The following VRK2 variants were observed in gnomAD, a reference collection of about 807,000 sequenced individuals.
The protein encoded by VRK2 is VRK serine/threonine kinase 2, also known as serine/threonine-protein kinase VRK2.
VRK2 carries 60 observed loss-of-function variants against 57.6 expected under a neutral mutation model. The ratio of observed to expected loss-of-function variants is 1.04; its 90% CI spans 0.85 to 1.29. VRK2 has a LOEUF of 1.29. VRK2 is among the 50% of genes most tolerant of loss of function. The pLI is 0.00. For synonymous variants in VRK2, 231 were observed against 199.2 expected (o/e 1.16, Z -1.35); for missense variants, 705 against 588.1 (o/e 1.20, Z -2.06).
chr2:58,144,221 A>G (rs1681775788), intron 11 of VRK2, among the ~76,000 whole-genome samples: 2 of 151,950 alleles, frequency 1.3e-5, no homozygotes, highest in African/African-American at 2.4e-5. Flanking sequence ...AGAGCATAGA[A>G]CAGTATTTGT....
intron 1 of VRK2, among the ~76,000 whole-genome samples, chr2:57,947,102 T>C (rs1366015640): frequency 6.6e-6 from 1 of 152,186 alleles, no homozygotes; most frequent in Non-Finnish European, 1.5e-5. Context: ...TAACGTGTAT[T>C]AGCAGCTTTC....
intron 12 of VRK2, chr2:58,154,709 T>C (rs1683531895): frequency 1.4e-6 from 1 of 716,610 alleles, no homozygotes; most frequent in Non-Finnish European, 2.6e-6. Context: ...CTATTATTTC[T>C]TTCCTTCATC....
At chr2:58,007,719 T>A (rs1012193411) in intron 1 of VRK2, among the ~76,000 whole-genome samples, 1 of 152,150 alleles carries the variant, frequency 6.6e-6, no homozygotes, top group Non-Finnish European at 1.5e-5. Flanking sequence ...TACACAGATT[T>A]TCTACTGTGC....
intron 1 of VRK2, among the ~76,000 whole-genome samples, chr2:58,022,270 A>C (rs1215275891): frequency 1.3e-5 from 2 of 152,196 alleles, no homozygotes; most frequent in African/African-American, 4.8e-5. Context: ...CTTGATACTA[A>C]AGAAAGTAAT....
chr2:58,039,161 A>G (rs1312328756), intron 3 of VRK2, among the ~76,000 whole-genome samples: 1 of 152,172 alleles, frequency 6.6e-6, no homozygotes, highest in African/African-American at 2.4e-5. Context: ...TATACAACCT[A>G]CATCATCCTG....
intron 7 of VRK2, among the ~76,000 whole-genome samples, chr2:58,106,133 T>G (rs1333177489): frequency 6.6e-6 from 1 of 152,016 alleles, no homozygotes; most frequent in Non-Finnish European, 1.5e-5. Context: ...ACACAGGTTG[T>G]GTGTCTTGAT....
At chr2:57,939,916 T>C (rs963460585) in intron 1 of VRK2, among the ~76,000 whole-genome samples, 4 of 152,182 alleles carry the variant, frequency 2.6e-5, no homozygotes, top group Admixed American at 2.0e-4. Context: ...GTTTCATTAA[T>C]TAGTAAAGAT....
At chr2:57,943,291 A>C in intron 1 of VRK2, among the ~76,000 whole-genome samples, 1 of 152,234 alleles carries the variant, frequency 6.6e-6, no homozygotes, top group Non-Finnish European at 1.5e-5. Context: ...AAAAGTATCC[A>C]ATTGAACTTC....
intron 7 of VRK2, among the ~76,000 whole-genome samples, chr2:58,121,094 T>A (rs909000803): frequency 1.3e-5 from 2 of 152,200 alleles, no homozygotes; most frequent in Non-Finnish European, 2.9e-5. Context: ...CCTGACTTCA[T>A]TTTACTACAC....
In VRK2 at chr2:58,146,391, G is replaced by A; in HGVS notation, c.1099G>A (p.Glu367Lys). Residue 367 changes from glutamate (E) to lysine (K), a missense_variant, in exon 12 of 13, where the codon GAG (glutamate) becomes AAG (lysine). Glu to Lys is a moderately conservative substitution (Grantham distance 56). Coordinates refer to ENST00000340157, the MANE Select transcript of VRK2 (RefSeq NM_006296.7). ...NRLIEKKVHSERSAESCATWK... is the reference protein window; with the variant it reads ...NRLIEKKVHSKRSAESCATWK... ...GTTAATCGAAAAAAAAGTCCACAGT[G>A]AGAGAAGCGCTGAGTCCTGTGCAAC... The A allele has an allele frequency of 6.2e-7, 1 of 1,611,872 alleles. No homozygotes were observed. The highest frequency in any genetic ancestry group is 8.5e-7 in the Non-Finnish European group (1 of 1,178,472).
chr2:58,058,533 C>T (rs1676866852), intron 2 of VRK2: 4 of 379,304 alleles, frequency 1.1e-5, no homozygotes, highest in South Asian at 4.0e-5. Flanking sequence ...ATAATGTTAC[C>T]AAAGTCTCAC....
chr2:58,114,361 G>GGGC (rs1276385057), intron 7 of VRK2, among the ~76,000 whole-genome samples: 1 of 152,002 alleles, frequency 6.6e-6, no homozygotes, highest in East Asian at 1.9e-4. Flanking sequence ...AACAAGAGCA[G>GGGC]GGCATGTATG....
chr2:58,041,436 C>G (rs771677329), intron 3 of VRK2, among the ~76,000 whole-genome samples: 2 of 151,990 alleles, frequency 1.3e-5, no homozygotes, highest in Non-Finnish European at 2.9e-5. Context: ...GTATGCATAC[C>G]CTCTGCCCTT....
intron 2 of VRK2, among the ~76,000 whole-genome samples, chr2:58,030,601 G>C (rs1674082471): frequency 6.6e-6 from 1 of 151,980 alleles, no homozygotes; most frequent in Non-Finnish European, 1.5e-5. Context: ...ATATCAAGCA[G>C]GAAAGCAAAT....
chr2:58,058,434 C>T (rs746362848), intron 2 of VRK2: 3 of 470,304 alleles, frequency 6.4e-6, no homozygotes, highest in South Asian at 3.1e-5. Context: ...CAAGAGCAAT[C>T]GGAAGCTTCG....
intron 1 of VRK2, among the ~76,000 whole-genome samples, chr2:57,945,314 C>T (rs74478282): frequency 0.016 from 2,419 of 152,048 alleles, 65 homozygotes; most frequent in African/African-American, 0.055. Context: ...TGAAGATTTC[C>T]CAATGATAGC....
At chr2:57,999,047 T>C (rs972989906) in intron 1 of VRK2, among the ~76,000 whole-genome samples, 1 of 152,122 alleles carries the variant, frequency 6.6e-6, no homozygotes, top group Admixed American at 6.6e-5. Context: ...TGGACAGTTG[T>C]TACATTATAA....
chr2:57,991,480 T>C (rs1282731855), intron 1 of VRK2, among the ~76,000 whole-genome samples: 1 of 152,114 alleles, frequency 6.6e-6, no homozygotes, highest in Non-Finnish European at 1.5e-5. Flanking sequence ...AGATGAATGC[T>C]GGTGGGCTAA....
Position 58,131,782 on chromosome 2 carries a change from T to A in VRK2, c.677-26T>A, listed in dbSNP as rs147056829. The A allele has an allele frequency of 3.1e-5, 49 of 1,566,952 alleles. No individual in the cohort carries two copies. The African/African-American group carries it at 5.9e-4, about 19-fold the overall frequency. On this transcript the variant is annotated intron_variant, in intron 8 of 12. Coordinates refer to ENST00000340157, the MANE Select transcript of VRK2 (RefSeq NM_006296.7). ...CTCAAGGACTTGCTTATCCCTTATC[T>A]TTCTCTCTAATGCTTACTCCTATAG... is the stretch of plus-strand genomic sequence containing the variant.
Sources: gnomAD v4.1 joint callset for allele counts (sites outside exome capture counted in the v4.1 genomes callset) on GRCh38, gnomAD v4.1.1 for gene constraint, MANE v1.5 for transcripts, NCBI Gene and HGNC (gene_info 2026-07-23, HGNC 2026-07-21) for gene names.